The following DST variants were observed in gnomAD, a reference collection of about 807,000 sequenced individuals.
DST encodes the protein dystonin.
DST carries 253 observed loss-of-function variants against 875.2 expected under a neutral mutation model. The observed-to-expected ratio is 0.29, with a 90% CI of 0.26 to 0.32. The LOEUF is 0.32. DST is among the 10% of genes least tolerant of loss of function. The probability of loss-of-function intolerance (pLI) is 1.00; values close to 1 mark genes in which losing one functional copy is unlikely to be tolerated. For missense variants in DST, 8,287 were observed against 9,111.6 expected, an observed-to-expected ratio of 0.91 and a Z score of 3.68; for synonymous variants, 3,124 against 3,197.1, an observed-to-expected ratio of 0.98 and a Z score of 0.77.
chr6:56,823,644 T>C (rs4532444), intron 4 of DST, among the ~76,000 whole-genome samples: 23,329 of 151,844 alleles, frequency 0.15, 2,041 homozygotes, highest in Non-Finnish European at 0.18. Context: ...CTCTTGACCT[T>C]GTGATCCGCC....
intron 4 of DST, among the ~76,000 whole-genome samples, chr6:56,798,630 G>C (rs1246413286): frequency 6.6e-6 from 1 of 152,108 alleles, no homozygotes; most frequent in African/African-American, 2.4e-5. Context: ...CATGGAACAA[G>C]GTGTAACTTC....
intron 63 of DST, among the ~76,000 whole-genome samples, chr6:56,534,693 C>T (rs2096962247): frequency 6.6e-6 from 1 of 152,104 alleles, no homozygotes; most frequent in African/African-American, 2.4e-5. Flanking sequence ...CTTCATGACC[C>T]TATTTAAAAT....
chr6:56,702,692 A>C (rs543526368), intron 7 of DST, among the ~76,000 whole-genome samples: 1 of 152,316 alleles, frequency 6.6e-6, no homozygotes, highest in African/African-American at 2.4e-5. Context: ...CCTTAATGCC[A>C]TTTCCCTTAA....
At chr6:56,626,928 G>C (rs970091913) in intron 34 of DST, among the ~76,000 whole-genome samples, 2 of 151,972 alleles carry the variant, frequency 1.3e-5, no homozygotes, top group African/African-American at 4.8e-5. Flanking sequence ...CAATGTTAAA[G>C]AAAAAAGAAA....
At chr6:56,950,792 T>C (rs994748002) in intron 2 of DST, among the ~76,000 whole-genome samples, 3 of 152,222 alleles carry the variant, frequency 2.0e-5, no homozygotes, top group African/African-American at 7.2e-5. Flanking sequence ...CATATGCTAT[T>C]TATGAACATT....
chr6:56,511,837 G>A (rs936748994), intron 72 of DST, among the ~76,000 whole-genome samples: 10 of 151,938 alleles, frequency 6.6e-5, no homozygotes, highest in Non-Finnish European at 1.5e-4. Flanking sequence ...GAAAAAGAGA[G>A]AGAGAGAGAG....
intron 4 of DST, among the ~76,000 whole-genome samples, chr6:56,824,320 A>G (rs1255481759): frequency 1.3e-5 from 2 of 152,018 alleles, no homozygotes; most frequent in Non-Finnish European, 2.9e-5. Context: ...GCTCAATGGT[A>G]CCCAGGCTGG....
At chr6:56,735,176 TA>T in intron 5 of DST, 51 bp downstream of exon 5, 1 of 1,251,892 alleles carries the variant, frequency 8.0e-7, no homozygotes, top group Non-Finnish European at 1.1e-6. Flanking sequence ...TACTGCAAAA[TA>T]AACTGAAATA....
At chr6:56,736,411 T>C (rs1162049603) in intron 4 of DST, among the ~76,000 whole-genome samples, 1 of 152,220 alleles carries the variant, frequency 6.6e-6, no homozygotes, top group Admixed American at 6.5e-5. Flanking sequence ...CACCTAAAGC[T>C]AGCATTCAAA....
intron 3 of DST, among the ~76,000 whole-genome samples, chr6:56,898,888 C>T (rs1489531355): frequency 6.6e-6 from 1 of 152,214 alleles, no homozygotes; most frequent in African/African-American, 2.4e-5. Context: ...AAGCACAGAA[C>T]ATGCATTATA....
chr6:56,857,437 C>A (rs1903332), intron 3 of DST, among the ~76,000 whole-genome samples: 36,092 of 152,088 alleles, frequency 0.24, 5,598 homozygotes, highest in African/African-American at 0.43. Flanking sequence ...ATTTCTCGTA[C>A]CATTTCTTCA....
chr6:56,498,119 T>C (rs975378523), intron 80 of DST, 66 bp from the exon 81 acceptor site: 84 of 1,440,124 alleles, frequency 5.8e-5, no homozygotes, highest in Non-Finnish European at 7.5e-5. Flanking sequence ...TTTAATGCAA[T>C]TGTTTTCCTT....
chr6:56,781,737 T>C (rs2099694454), intron 4 of DST, among the ~76,000 whole-genome samples: 2 of 152,170 alleles, frequency 1.3e-5, no homozygotes, highest in Non-Finnish European at 1.5e-5. Context: ...CTAATTGCCC[T>C]GGCCAGAACT....
intron 4 of DST, among the ~76,000 whole-genome samples, chr6:56,772,683 GC>G (rs1036260234): frequency 2.6e-5 from 4 of 152,166 alleles, no homozygotes; most frequent in African/African-American, 9.7e-5. Context: ...ATTAGAGGAT[GC>G]CCCAAAACAA....
chr6:56,691,033 C>A (rs149203829), intron 9 of DST, among the ~76,000 whole-genome samples: 351 of 152,250 alleles, frequency 2.3e-3, no homozygotes, highest in African/African-American at 7.9e-3. Flanking sequence ...ACAGTTATTT[C>A]GCAAATCTGA....
chr6:56,519,839 G>C (rs2096663041), intron 69 of DST, among the ~76,000 whole-genome samples: 1 of 152,142 alleles, frequency 6.6e-6, no homozygotes, highest in South Asian at 2.1e-4. Context: ...GATCATATAA[G>C]AGCCAGGAAA....
At chr6:56,715,935 C>A (rs551220590) in intron 5 of DST, among the ~76,000 whole-genome samples, 5 of 152,294 alleles carry the variant, frequency 3.3e-5, no homozygotes, top group East Asian at 1.9e-4. Context: ...TAAGCCCTAA[C>A]CATCTGGCCC....
At chr6:56,911,051 G>C (rs1174064953) in intron 2 of DST, among the ~76,000 whole-genome samples, 1 of 152,176 alleles carries the variant, frequency 6.6e-6, no homozygotes, top group Non-Finnish European at 1.5e-5. Context: ...GCCTGAGGAA[G>C]CATGTTTTGT....
At chr6:56,497,567 T>A in intron 81 of DST, 60 bp from the exon 82 acceptor site, 2 of 1,579,650 alleles carry the variant, frequency 1.3e-6, no homozygotes, top group Non-Finnish European at 1.7e-6. Context: ...AAGCAGGAAA[T>A]AAGCTTCAAA....
Sources: allele counts gnomAD v4.1 joint callset (sites outside exome capture counted in the v4.1 genomes callset), GRCh38; gene constraint gnomAD v4.1.1; transcripts MANE v1.5; gene names NCBI Gene and HGNC (gene_info 2026-07-23, HGNC 2026-07-21).